SMYD3: variants seen among roughly 807,000 people sequenced by gnomAD.
SMYD3 encodes the protein histone-lysine N-methyltransferase SMYD3.
In SMYD3, 36 loss-of-function variants were observed where a neutral mutation model predicts 57.7. The observed-to-expected ratio is 0.62, with a 90% CI of 0.48 to 0.82. SMYD3 has a LOEUF of 0.82. Among genes scored for constraint, SMYD3 ranks in the 40% least tolerant of loss-of-function variants. The pLI is 0.00. For missense variants in SMYD3, 515 were observed against 538.8 expected (o/e 0.96, Z 0.44); for synonymous variants, 211 against 195.0 (o/e 1.08, Z -0.68).
chr1:245,866,719 G>A (rs532820334), intron 8 of SMYD3, among the ~76,000 whole-genome samples: 1 of 152,216 alleles, frequency 6.6e-6, no homozygotes, highest in African/African-American at 2.4e-5. Flanking sequence ...ACAACAGAGC[G>A]AGACTCTGCC....
intron 5 of SMYD3, among the ~76,000 whole-genome samples, chr1:246,210,296 G>C (rs540112893): frequency 2.5e-4 from 38 of 152,304 alleles, no homozygotes; most frequent in African/African-American, 8.7e-4. Context: ...GCACATGTCA[G>C]CAACGTAAGA....
intron 5 of SMYD3, among the ~76,000 whole-genome samples, chr1:246,206,536 T>C (rs936172874): frequency 6.6e-6 from 1 of 152,142 alleles, no homozygotes; most frequent in Non-Finnish European, 1.5e-5. Flanking sequence ...ACAGAACTTG[T>C]ATGCTTGAAA....
intron 1 of SMYD3, among the ~76,000 whole-genome samples, chr1:246,364,684 G>T (rs771522436): frequency 1.3e-5 from 2 of 152,118 alleles, no homozygotes; most frequent in African/African-American, 4.8e-5. Flanking sequence ...GTTATGGGAC[G>T]TAAAACATGG....
chr1:246,302,483 C>T (rs1308993462), intron 5 of SMYD3, among the ~76,000 whole-genome samples: 1 of 151,798 alleles, frequency 6.6e-6, no homozygotes, highest in Admixed American at 6.6e-5. Flanking sequence ...TTTTTAAATA[C>T]AGAAGGAATT....
intron 5 of SMYD3, among the ~76,000 whole-genome samples, chr1:246,259,338 C>T (rs1426792119): frequency 6.6e-6 from 1 of 152,150 alleles, no homozygotes; most frequent in Admixed American, 6.5e-5. Flanking sequence ...GATGCTAGCA[C>T]TTCTAATTTT....
At chr1:246,247,487 T>TATATATATATATA (rs1558347068) in intron 5 of SMYD3, among the ~76,000 whole-genome samples, 12 of 141,358 alleles carry the variant, frequency 8.5e-5, no homozygotes, top group African/African-American at 2.8e-4. Context: ...ATATATATAT[T>TATATATATATATA]TTTTAACATG....
intron 10 of SMYD3, among the ~76,000 whole-genome samples, chr1:245,768,363 A>G (rs1008106741): frequency 2.6e-5 from 4 of 152,224 alleles, no homozygotes; most frequent in Non-Finnish European, 4.4e-5. Flanking sequence ...TTTTACAGGG[A>G]GGCTGAAAGT....
chr1:245,869,067 T>C (rs774618950), intron 8 of SMYD3, among the ~76,000 whole-genome samples: 3 of 152,136 alleles, frequency 2.0e-5, no homozygotes, highest in African/African-American at 7.2e-5. Context: ...CAAAGACACT[T>C]GATATAATTC....
intron 1 of SMYD3, among the ~76,000 whole-genome samples, chr1:246,408,004 G>A (rs2102979835): frequency 6.6e-6 from 1 of 151,970 alleles, no homozygotes; most frequent in Non-Finnish European, 1.5e-5. Context: ...TTTACAGATG[G>A]TGTTGCTGTG....
chr1:246,018,814 G>A (rs371950805), intron 5 of SMYD3, among the ~76,000 whole-genome samples: 18 of 150,106 alleles, frequency 1.2e-4, no homozygotes, highest in Admixed American at 2.7e-4. Flanking sequence ...ATTTTTCCCA[G>A]ACTGGTCTCA....
In SMYD3 at chr1:246,059,927, A is replaced by G. The variant is rs73137828; in HGVS notation, c.532-129990T>C. ...GAAGACAGTACAGAATACTTAAGTT[A>G]CAATTTCAAATTCGACAGTGTTGAC... On this transcript the variant is annotated intron_variant, in intron 5 of 11. Coordinates refer to ENST00000490107, the MANE Select transcript of SMYD3 (RefSeq NM_001167740.2). 9.7e-3 allele frequency among the ~76,000 whole-genome samples: 1,484 copies of G among 152,288 alleles called. 21 individuals carry two copies. Among genetic ancestry groups the G allele is most frequent in the African/African-American group, 0.033 (1,389 of 41,572 alleles).
intron 5 of SMYD3, among the ~76,000 whole-genome samples, chr1:246,138,721 A>G (rs775114420): frequency 5.3e-5 from 8 of 151,992 alleles, no homozygotes; most frequent in South Asian, 2.1e-4. Flanking sequence ...CACCGCGCCC[A>G]GCCAAAAATT....
At chr1:246,267,996 G>A (rs1240527008) in intron 5 of SMYD3, among the ~76,000 whole-genome samples, 1 of 152,152 alleles carries the variant, frequency 6.6e-6, no homozygotes, top group Non-Finnish European at 1.5e-5. Flanking sequence ...GTGCAGTAGT[G>A]TAAAAATAAT....
intron 8 of SMYD3, among the ~76,000 whole-genome samples, chr1:245,913,820 C>T (rs1343436668): frequency 6.6e-6 from 1 of 152,042 alleles, no homozygotes; most frequent in East Asian, 1.9e-4. Context: ...GGCAAAGGAT[C>T]TAAATAGATA....
chr1:245,764,004 T>G, intron 11 of SMYD3, 37 bp downstream of exon 11: 1 of 1,511,006 alleles, frequency 6.6e-7, no homozygotes, highest in South Asian at 1.1e-5. Flanking sequence ...AAAAAAAGGA[T>G]GCCAGGCAGA....
At chr1:245,904,994 C>T (rs550750532) in intron 8 of SMYD3, among the ~76,000 whole-genome samples, 10 of 151,896 alleles carry the variant, frequency 6.6e-5, no homozygotes, top group East Asian at 5.9e-4. Flanking sequence ...TACTCTGAGC[C>T]GGAAGGGAAG....
chr1:245,900,461 T>G (rs898613785), intron 8 of SMYD3, among the ~76,000 whole-genome samples: 8 of 152,296 alleles, frequency 5.3e-5, no homozygotes, highest in African/African-American at 1.7e-4. Context: ...TTTGGAAGCA[T>G]CAGTCATCTT....
At chr1:245,989,128 T>A (rs1020150104) in intron 5 of SMYD3, among the ~76,000 whole-genome samples, 24 of 152,240 alleles carry the variant, frequency 1.6e-4, no homozygotes, top group African/African-American at 5.8e-4. Context: ...CATGACTTCT[T>A]AGACTTTATC....
At chr1:246,423,763 C>T (rs2067179854) in intron 1 of SMYD3, among the ~76,000 whole-genome samples, 1 of 152,086 alleles carries the variant, frequency 6.6e-6, no homozygotes, top group Non-Finnish European at 1.5e-5. Context: ...AGCAGGTAAG[C>T]AGCCTGTTTA....
Sources: allele counts gnomAD v4.1 joint callset (sites outside exome capture counted in the v4.1 genomes callset), GRCh38; gene constraint gnomAD v4.1.1; transcripts MANE v1.5; gene names NCBI Gene and HGNC (gene_info 2026-07-23, HGNC 2026-07-21).